Variants in MCTP2 observed in about 807,000 individuals in gnomAD.
The protein encoded by MCTP2 is multiple C2 and transmembrane domain containing 2.
Under a neutral mutation model 111.6 loss-of-function variants are expected in MCTP2, and 132 were observed. That is an observed-to-expected ratio of 1.18 (90% CI 1.03 to 1.37). MCTP2 has a LOEUF of 1.37. MCTP2 is among the 40% of genes most tolerant of loss of function. MCTP2 has a pLI of 0.00. For missense variants in MCTP2, 1,183 were observed against 1,067.9 expected (o/e 1.11, Z -1.50); for synonymous variants, 395 against 387.7 (o/e 1.02, Z -0.22).
In MCTP2 at chr15:94,470,427, A is replaced by T. The variant is rs772762546; in HGVS notation, c.2455A>T (p.Ile819Phe). 9 of 1,608,554 alleles carry T rather than the reference A, an allele frequency of 5.6e-6. No individual in the cohort carries two copies. In the South Asian group the frequency reaches 9.9e-5, roughly 18 times the overall value. Residue 819 changes from isoleucine to phenylalanine, a missense_variant, in exon 21 of 23, where the codon ATC (isoleucine) becomes TTC (phenylalanine). Ile to Phe is a conservative substitution (Grantham distance 21). Coordinates refer to ENST00000357742, the MANE Select transcript of MCTP2 (RefSeq NM_001385001.1). The stretch of plus-strand genomic sequence containing the variant: ...TTTGTATTTCATTCCACTGCGGTAC[A>T]TCATTTTAATCTGGGGTAAGTTTGG... Reference protein sequence around the residue: ...IILYFIPLRYIILIWGINKFT... With the variant: ...IILYFIPLRYFILIWGINKFT...
At chr15:94,399,182 G>T in intron 15 of MCTP2, 120 bp downstream of exon 15, 2 of 625,136 alleles carry the variant, frequency 3.2e-6, no homozygotes, top group East Asian at 5.5e-5. Flanking sequence ...AGAGAGGAAA[G>T]AATAGTGTTT....
Position 94,377,311 on chromosome 15 carries a change from G to A in MCTP2, c.1583-6711G>A, listed in dbSNP as rs539254493. Among the ~76,000 whole-genome samples the A allele has an allele frequency of 3.3e-5, 5 of 152,296 alleles. No individual in the cohort carries two copies. The South Asian group carries it at 6.2e-4, about 19-fold the overall frequency. On this transcript the variant is annotated intron_variant, in intron 12 of 22. Coordinates refer to ENST00000357742, the MANE Select transcript of MCTP2 (RefSeq NM_001385001.1). ...GAAAGCTCAGTAGTCGTGATTGAAC[G>A]TTTTTAATTTTCAAGAGATCTTCAT... is the stretch of plus-strand genomic sequence containing the variant.
intron 7 of MCTP2, among the ~76,000 whole-genome samples, chr15:94,344,698 T>G (rs2077865334): frequency 6.6e-6 from 1 of 152,214 alleles, no homozygotes; most frequent in African/African-American, 2.4e-5. Context: ...ATGGAATTAT[T>G]TTTTTCTAGC....
intron 3 of MCTP2, chr15:94,314,583 A>C (rs532934595): frequency 5.0e-5 from 28 of 556,044 alleles, no homozygotes; most frequent in Middle Eastern, 4.9e-4. Flanking sequence ...AAATTGAGTG[A>C]GATAGTAAGG....
chr15:94,389,355 C>G (rs1373336838), intron 14 of MCTP2, among the ~76,000 whole-genome samples: 1 of 151,682 alleles, frequency 6.6e-6, no homozygotes, highest in African/African-American at 2.4e-5. Context: ...TGAGGGCAGC[C>G]CAGGAAAGGT....
intron 20 of MCTP2, among the ~76,000 whole-genome samples, chr15:94,467,566 C>CT (rs968130815): frequency 4.8e-4 from 73 of 151,742 alleles, no homozygotes; most frequent in Admixed American, 1.1e-3. Context: ...GTATTCTCAC[C>CT]TTTTTTTTAA....
intron 1 of MCTP2, among the ~76,000 whole-genome samples, chr15:94,267,654 C>G (rs182546092): frequency 6.6e-5 from 10 of 152,130 alleles, no homozygotes; most frequent in African/African-American, 2.2e-4. Flanking sequence ...AAGAAACTTT[C>G]AAGCTGTTTT....
At position 94,244,172 on chromosome 15, in the gene MCTP2, AC is replaced by A. The variant is rs528115086; in HGVS notation, c.-66+12509del. 2.9e-3 allele frequency among the ~76,000 whole-genome samples: 425 copies of A among 147,124 alleles called. 4 individuals are homozygous for A. Among genetic ancestry groups the A allele is most frequent in the African/African-American group, 0.01 (413 of 39,568 alleles). ...TATATGTTTATATACACGTGTATAC[AC>A]ATACGTATGTGTATATGTTTATATA... On this transcript the variant is annotated intron_variant, in intron 1 of 22. Coordinates refer to ENST00000357742, the MANE Select transcript of MCTP2 (RefSeq NM_001385001.1).
intron 17 of MCTP2, among the ~76,000 whole-genome samples, chr15:94,423,864 C>A (rs899394788): frequency 6.6e-6 from 1 of 152,146 alleles, no homozygotes; most frequent in Admixed American, 6.6e-5. Flanking sequence ...GTTTGTAAAA[C>A]GATGTATGCA....
intron 14 of MCTP2, among the ~76,000 whole-genome samples, chr15:94,390,069 T>C (rs1159051033): frequency 0.1 from 1,131 of 11,078 alleles, 46 homozygotes; most frequent in African/African-American, 0.16. Flanking sequence ...TATATATATA[T>C]ATATATATAT....
intron 4 of MCTP2, among the ~76,000 whole-genome samples, chr15:94,317,641 C>G (rs2076431788): frequency 6.6e-6 from 1 of 152,204 alleles, no homozygotes; most frequent in Admixed American, 6.5e-5. Flanking sequence ...ATACACCCTT[C>G]CACCCTCCTA....
intron 5 of MCTP2, 80 bp from the exon 6 acceptor site, chr15:94,340,119 C>A: frequency 1.1e-6 from 1 of 923,890 alleles, no homozygotes; most frequent in Non-Finnish European, 1.8e-6. Flanking sequence ...AATTTCCAAC[C>A]TATTGCATTT....
chr15:94,346,847 C>A (rs2078009089), intron 8 of MCTP2, among the ~76,000 whole-genome samples: 1 of 151,960 alleles, frequency 6.6e-6, no homozygotes, highest in African/African-American at 2.4e-5. Flanking sequence ...ACAGAAGATC[C>A]CGGAGAGCAG....
chr15:94,291,114 T>A (rs59377794), intron 1 of MCTP2, among the ~76,000 whole-genome samples: 49,512 of 152,028 alleles, frequency 0.33, 8,176 homozygotes, highest in East Asian at 0.42. Flanking sequence ...ACCAAGACAG[T>A]CCACATTGGG....
chr15:94,309,603 T>G (rs2076038297), intron 2 of MCTP2, among the ~76,000 whole-genome samples: 1 of 152,166 alleles, frequency 6.6e-6, no homozygotes, highest in African/African-American at 2.4e-5. Flanking sequence ...GAAAGGAAAA[T>G]GTTTATTCAC....
intron 17 of MCTP2, among the ~76,000 whole-genome samples, chr15:94,403,649 T>G (rs1277612218): frequency 6.6e-6 from 1 of 152,176 alleles, no homozygotes; most frequent in African/African-American, 2.4e-5. Context: ...AAATAGGTTG[T>G]CTAATAGAGG....
At chr15:94,396,654 GTTC>G (rs2081298611) in intron 14 of MCTP2, among the ~76,000 whole-genome samples, 4 of 152,082 alleles carry the variant, frequency 2.6e-5, no homozygotes, top group Admixed American at 2.6e-4. Flanking sequence ...GTGTTCACCT[GTTC>G]TTAACCCAAA....
chr15:94,343,515 A>T (rs2077779679), intron 7 of MCTP2: 1 of 152,186 alleles, frequency 6.6e-6, no homozygotes, highest in Non-Finnish European at 1.5e-5. Context: ...CAAAATGTTT[A>T]TGAATTTACT....
intron 17 of MCTP2, among the ~76,000 whole-genome samples, chr15:94,430,393 T>TCTCACACA (rs574251105): frequency 9.3e-6 from 1 of 107,184 alleles, no homozygotes; most frequent in East Asian, 2.9e-4. Flanking sequence ...CCAAAAACAA[T>TCTCACACA]CACACACACA....
Sources: allele counts gnomAD v4.1 joint callset (sites outside exome capture counted in the v4.1 genomes callset), GRCh38; gene constraint gnomAD v4.1.1; transcripts MANE v1.5; gene names NCBI Gene and HGNC (gene_info 2026-07-23, HGNC 2026-07-21).